Variants in KCNIP4 observed in about 807,000 individuals in gnomAD.
KCNIP4 encodes the protein potassium voltage-gated channel interacting protein 4.
In KCNIP4, 12 loss-of-function variants were observed where a neutral mutation model predicts 34.0. That is an observed-to-expected ratio of 0.35 (90% confidence interval 0.23 to 0.57). The LOEUF (loss-of-function observed/expected upper bound fraction) is 0.57, where lower values mean the gene tolerates loss of function less well. KCNIP4 is among the 20% of genes least tolerant of loss of function. The pLI is 0.83. For synonymous variants in KCNIP4, 124 were observed against 102.2 expected (o/e 1.21, Z -1.29); for missense variants, 238 against 311.7 (o/e 0.76, Z 1.78).
chr4:21,944,139 A>G (rs1730359336), intron 1 of KCNIP4, among the ~76,000 whole-genome samples: 2 of 152,134 alleles, frequency 1.3e-5, no homozygotes, highest in Admixed American at 1.3e-4. Context: ...CATCAAAATA[A>G]GAATCAAAGC....
At chr4:21,251,966 C>G (rs1208740385) in intron 1 of KCNIP4, among the ~76,000 whole-genome samples, 1 of 151,086 alleles carries the variant, frequency 6.6e-6, no homozygotes, top group East Asian at 2.0e-4. Flanking sequence ...ACACATGTAA[C>G]TAACCTGCAC....
chr4:21,206,766 T>C (rs1756879825), intron 1 of KCNIP4, among the ~76,000 whole-genome samples: 1 of 152,198 alleles, frequency 6.6e-6, no homozygotes, highest in South Asian at 2.1e-4. Flanking sequence ...GTATTCACAT[T>C]TTACAGAAAA....
intron 1 of KCNIP4, among the ~76,000 whole-genome samples, chr4:21,169,081 T>C (rs1278135622): frequency 6.6e-6 from 1 of 152,202 alleles, no homozygotes; most frequent in Non-Finnish European, 1.5e-5. Context: ...GAAGAGTTGA[T>C]GTACGTGCAT....
chr4:21,421,368 T>C (rs182931374), intron 1 of KCNIP4, among the ~76,000 whole-genome samples: 51 of 152,252 alleles, frequency 3.3e-4, no homozygotes, highest in African/African-American at 1.2e-3. Flanking sequence ...TTGAAAACAA[T>C]CCAATTATCC....
intron 1 of KCNIP4, among the ~76,000 whole-genome samples, chr4:20,976,493 C>A (rs1448208349): frequency 6.6e-6 from 1 of 152,066 alleles, no homozygotes; most frequent in Non-Finnish European, 1.5e-5. Flanking sequence ...ATTATTAACC[C>A]CATTATATGG....
At chr4:21,435,829 C>T (rs888764993) in intron 1 of KCNIP4, among the ~76,000 whole-genome samples, 3 of 152,040 alleles carry the variant, frequency 2.0e-5, no homozygotes, top group East Asian at 1.9e-4. Flanking sequence ...TACTGGATAC[C>T]GTGCTTAACA....
In KCNIP4 at chr4:20,737,707, A is replaced by G. The variant is rs1749985563; in HGVS notation, c.430-2972T>C. On this transcript the variant is annotated intron_variant, in intron 5 of 8. Transcript: ENST00000382152. The stretch of plus-strand genomic sequence containing the variant: ...AGCTCTGATACTAAGCAGTAAGATG[A>G]CATGCAAATTAGAGAAAGGGAGACC... 1.3e-5 allele frequency among the ~76,000 whole-genome samples: 2 copies of G among 152,230 alleles called. 1 individual carries two copies. The highest frequency in any genetic ancestry group is 4.1e-4 in the South Asian group (2 of 4,830).
intron 1 of KCNIP4, among the ~76,000 whole-genome samples, chr4:21,286,284 C>T (rs905735430): frequency 6.6e-6 from 1 of 152,140 alleles, no homozygotes; most frequent in Non-Finnish European, 1.5e-5. Context: ...AGTCTGGATA[C>T]CTGCCTATGA....
intron 1 of KCNIP4, among the ~76,000 whole-genome samples, chr4:21,132,474 G>C (rs891881999): frequency 1.3e-5 from 2 of 152,160 alleles, no homozygotes; most frequent in Non-Finnish European, 2.9e-5. Context: ...GACATTCTCA[G>C]TTTTTAACTT....
intron 1 of KCNIP4, among the ~76,000 whole-genome samples, chr4:21,754,511 T>C (rs528257537): frequency 1.1e-4 from 16 of 152,192 alleles, no homozygotes; most frequent in Non-Finnish European, 2.1e-4. Flanking sequence ...TATTCCTGTT[T>C]TTCAAATGGG....
chr4:21,908,775 T>C (rs916432461), intron 1 of KCNIP4, among the ~76,000 whole-genome samples: 2 of 152,172 alleles, frequency 1.3e-5, no homozygotes, highest in Non-Finnish European at 2.9e-5. Flanking sequence ...ATATTTTTCT[T>C]CCGCAATCAT....
At chr4:21,635,009 G>T (rs1202789881) in intron 1 of KCNIP4, among the ~76,000 whole-genome samples, 1 of 152,112 alleles carries the variant, frequency 6.6e-6, no homozygotes, top group East Asian at 1.9e-4. Context: ...TGCTTCTCCA[G>T]ATTTAAAAAT....
intron 1 of KCNIP4, among the ~76,000 whole-genome samples, chr4:21,937,909 G>T (rs1253223969): frequency 6.6e-6 from 1 of 152,056 alleles, no homozygotes. Context: ...TATATTCCCA[G>T]TGTGCAAATG....
chr4:21,705,441 A>C (rs909315694), intron 1 of KCNIP4, among the ~76,000 whole-genome samples: 4 of 152,200 alleles, frequency 2.6e-5, no homozygotes, highest in Non-Finnish European at 5.9e-5. Context: ...ACCCAAATAA[A>C]AATTTAATGA....
chr4:21,373,799 A>C (rs1578142584), intron 1 of KCNIP4, among the ~76,000 whole-genome samples: 1 of 146,964 alleles, frequency 6.8e-6, no homozygotes, highest in Non-Finnish European at 1.5e-5. Flanking sequence ...TCTGCCTCCC[A>C]GGTTCAAGCA....
In KCNIP4 at chr4:21,291,906, AG is replaced by A. The variant is rs1407097818; in HGVS notation, c.62-409198del. On this transcript the variant is annotated intron_variant, in intron 1 of 8. Coordinates refer to ENST00000382152, the MANE Select transcript of KCNIP4 (RefSeq NM_025221.6). ...AAGAAAGAAAGAAAGAAAGAAAGAA[AG>A]AAAGAAAGAAAGAAAGAAAGAAAGA... 1.2e-3 allele frequency among the ~76,000 whole-genome samples: 111 copies of A among 89,488 alleles called. 14 individuals carry two copies. Among genetic ancestry groups the A allele is most frequent in the African/African-American group, 7.6e-3 (87 of 11,506 alleles). 58.7% of individuals were successfully genotyped at this position (89,488 alleles called of 152,430 possible). A position where few individuals can be genotyped will look rare whatever the true frequency, so the allele number is the denominator to read the frequency against.
At chr4:20,836,748 T>C (rs1719079484) in intron 3 of KCNIP4, among the ~76,000 whole-genome samples, 3 of 152,124 alleles carry the variant, frequency 2.0e-5, no homozygotes, top group South Asian at 4.1e-4. Context: ...CACAGTAAAA[T>C]ATAGATTAGT....
intron 3 of KCNIP4, among the ~76,000 whole-genome samples, chr4:20,778,109 G>A (rs1339102065): frequency 6.6e-6 from 1 of 152,164 alleles, no homozygotes; most frequent in Non-Finnish European, 1.5e-5. Context: ...ACTCAGCAGA[G>A]ACTTCAGTTA....
At chr4:21,109,793 A>T (rs73245238) in intron 1 of KCNIP4, among the ~76,000 whole-genome samples, 5 of 152,070 alleles carry the variant, frequency 3.3e-5, no homozygotes, top group African/African-American at 1.2e-4. Context: ...TTCCTACCAT[A>T]TTCTTTGTGT....
Sources: allele counts gnomAD v4.1 joint callset (sites outside exome capture counted in the v4.1 genomes callset), GRCh38; gene constraint gnomAD v4.1.1; transcripts MANE v1.5; gene names NCBI Gene and HGNC (gene_info 2026-07-23, HGNC 2026-07-21).